The following MARCHF1 variants were observed in gnomAD, a reference collection of about 807,000 sequenced individuals.
MARCHF1 encodes the protein E3 ubiquitin-protein ligase MARCHF1.
Under a neutral mutation model 54.2 loss-of-function variants are expected in MARCHF1, and 40 were observed. That is an observed-to-expected ratio of 0.74 (90% CI 0.57 to 0.96). MARCHF1 has a LOEUF of 0.96. MARCHF1 is among the 40% of genes least tolerant of loss of function. The pLI is 0.00. For missense variants in MARCHF1, 586 were observed against 656.5 expected, an observed-to-expected ratio of 0.89 and a Z score of 1.17; for synonymous variants, 236 against 236.3, an observed-to-expected ratio of 1.00 and a Z score of 0.01.
Position 164,215,248 on chromosome 4 carries a change from G to A in MARCHF1, c.-322-103586C>T, listed in dbSNP as rs546332122. On this transcript the variant is annotated intron_variant, in intron 1 of 9. Transcript: ENST00000514618. Reference sequence around the variant, plus strand: ...CCAGAAGAGAGATGGTTTTCCCCTGGAGCATTCGCCAAACCCCGCCTCCTT... The same window carrying A: ...CCAGAAGAGAGATGGTTTTCCCCTGAAGCATTCGCCAAACCCCGCCTCCTT... 2.8e-3 allele frequency among the ~76,000 whole-genome samples: 423 copies of A among 152,222 alleles called. 2 individuals are homozygous for A. The highest frequency in any genetic ancestry group is 9.7e-3 in the African/African-American group (402 of 41,554).
At chr4:164,045,348 C>T (rs1331490785) in intron 2 of MARCHF1, among the ~76,000 whole-genome samples, 1 of 151,636 alleles carries the variant, frequency 6.6e-6, no homozygotes, top group East Asian at 1.9e-4. Flanking sequence ...CCTGTCTCTA[C>T]CAAAAATACA....
intron 4 of MARCHF1, among the ~76,000 whole-genome samples, chr4:163,793,779 C>T (rs1236753755): frequency 2.0e-5 from 3 of 152,100 alleles, no homozygotes; most frequent in African/African-American, 4.8e-5. Flanking sequence ...TTCTAATTAC[C>T]GGTGCATGCA....
intron 1 of MARCHF1, among the ~76,000 whole-genome samples, chr4:164,302,868 T>TAAA (rs70952621): frequency 2.0e-4 from 23 of 114,224 alleles, no homozygotes; most frequent in South Asian, 3.1e-4. Context: ...GAGACTGTCT[T>TAAA]AAAAAAAAAA....
At chr4:164,318,200 T>C (rs79937385) in intron 1 of MARCHF1, among the ~76,000 whole-genome samples, 5,567 of 152,244 alleles carry the variant, frequency 0.037, 199 homozygotes, top group East Asian at 0.12. Flanking sequence ...CACACAGTAA[T>C]TGTTCAAAAA....
At chr4:163,949,606 C>T (rs1406079705) in intron 3 of MARCHF1, among the ~76,000 whole-genome samples, 2 of 152,148 alleles carry the variant, frequency 1.3e-5, no homozygotes, top group African/African-American at 2.4e-5. Context: ...CAAGATGAAG[C>T]GGGGCTTTAC....
chr4:163,759,671 G>A (rs575952167), intron 4 of MARCHF1, among the ~76,000 whole-genome samples: 23 of 152,252 alleles, frequency 1.5e-4, no homozygotes, highest in African/African-American at 5.3e-4. Flanking sequence ...GGGACATGGA[G>A]ATATAAGTTA....
chr4:164,130,380 G>A (rs1756276549), intron 1 of MARCHF1, among the ~76,000 whole-genome samples: 1 of 152,080 alleles, frequency 6.6e-6, no homozygotes, highest in Non-Finnish European at 1.5e-5. Context: ...AGAGTGCTTT[G>A]ATTTCTGAAG....
chr4:163,693,801 G>C (rs1467957163), intron 5 of MARCHF1, among the ~76,000 whole-genome samples: 4 of 152,146 alleles, frequency 2.6e-5, no homozygotes, highest in Non-Finnish European at 2.9e-5. Flanking sequence ...TTGAACAATG[G>C]AACTAACTCA....
At chr4:163,963,236 A>C (rs559487453) in intron 3 of MARCHF1, among the ~76,000 whole-genome samples, 177 of 152,050 alleles carry the variant, frequency 1.2e-3, no homozygotes, top group Non-Finnish European at 2.2e-3. Flanking sequence ...CTTTGACTGT[A>C]GAGATCAAAT....
At chr4:164,312,843 T>C (rs187468909) in intron 1 of MARCHF1, among the ~76,000 whole-genome samples, 11 of 152,202 alleles carry the variant, frequency 7.2e-5, no homozygotes, top group East Asian at 3.9e-4. Flanking sequence ...AAAGTAGTAA[T>C]TGACATATGG....
In MARCHF1 at chr4:163,972,648, G is replaced by A. The variant is rs569917689; in HGVS notation, c.-39+15853C>T. ...TGCAAGCTCCACCTCCTGGGTTCAC[G>A]CCATTCTCCTGCCTCAGCCTCCTGA... is the stretch of plus-strand genomic sequence containing the variant. On this transcript the variant is annotated intron_variant, in intron 3 of 9. Coordinates refer to ENST00000514618, the MANE Select transcript of MARCHF1 (RefSeq NM_001394959.1). 1.8e-3 allele frequency among the ~76,000 whole-genome samples: 280 copies of A among 152,022 alleles called. 1 individual carries two copies. The highest frequency in any genetic ancestry group is 6.5e-3 in the African/African-American group (271 of 41,496).
In MARCHF1 at chr4:163,530,411, C is replaced by T. The variant is rs1738306310; in HGVS notation, c.1340-1365G>A. ...ATGCAAACTTAGTAATCATGGTAAT[C>T]TTCTTTATATTTTTCTTTAAATACC... On this transcript the variant is annotated intron_variant, in intron 9 of 9. Transcript: ENST00000514618. 2.0e-5 allele frequency: 3 copies of T among 151,870 alleles called. No homozygotes were observed. In the South Asian group the frequency reaches 6.2e-4, roughly 32 times the overall value. The allele number at this position is 151,870 out of a possible 1,614,324, so 9.4% of individuals were successfully genotyped here. A position where few individuals can be genotyped will look rare whatever the true frequency, so the allele number is the denominator to read the frequency against.
intron 1 of MARCHF1, among the ~76,000 whole-genome samples, chr4:164,363,652 T>C (rs1730791272): frequency 6.6e-6 from 1 of 152,090 alleles, no homozygotes; most frequent in African/African-American, 2.4e-5. Context: ...AGAAGTAAAA[T>C]AGTTTAAGTG....
At chr4:164,163,528 C>CA (rs1461122688) in intron 1 of MARCHF1, among the ~76,000 whole-genome samples, 1 of 151,240 alleles carries the variant, frequency 6.6e-6, no homozygotes, top group East Asian at 1.9e-4. Context: ...TCAATTAATA[C>CA]AAAAAAAGTA....
At chr4:163,894,932 ATATATATATATGCATGTGATG>A (rs1750767798) in intron 3 of MARCHF1, among the ~76,000 whole-genome samples, 1 of 5,606 alleles carries the variant, frequency 1.8e-4, no homozygotes, top group African/African-American at 2.5e-4. Context: ...CATGTGATGC[ATATATATATATGCATGTGATG>A]CATATATATA....
At chr4:163,910,620 G>T (rs897516328) in intron 3 of MARCHF1, among the ~76,000 whole-genome samples, 10 of 152,134 alleles carry the variant, frequency 6.6e-5, no homozygotes, top group African/African-American at 2.4e-4. Context: ...TCAGCCTCAT[G>T]AGTAGCTGGG....
Position 163,528,788 on chromosome 4 carries a change from G to T in MARCHF1, c.1598C>A (p.Pro533Gln), listed in dbSNP as rs765502751. 22 of 1,612,910 alleles carry T rather than the reference G, an allele frequency of 1.4e-5. No individual in the cohort carries two copies. Among genetic ancestry groups the T allele is most frequent in the Non-Finnish European group, 1.8e-5 (21 of 1,179,330 alleles). ...PVPQTGANSL[P>Q]SAEGGPPEVV... is the part of the protein sequence containing the mutation. ...TTCAGGGGGGCCACCCTCTGCAGATGGCAGTGAATTTGCACCTGTTTGTGG... is the reference window on the plus strand; with the variant it reads ...TTCAGGGGGGCCACCCTCTGCAGATTGCAGTGAATTTGCACCTGTTTGTGG... The change falls in exon 10 of 10, where the codon CCA (proline) becomes CAA (glutamine). Residue 533 changes from proline (P) to glutamine (Q), a missense_variant. Transcript: ENST00000514618.
At chr4:164,276,947 T>TATATATATATATATATATATAGAGAG (rs1392528920) in intron 1 of MARCHF1, among the ~76,000 whole-genome samples, 1 of 118,824 alleles carries the variant, frequency 8.4e-6, no homozygotes, top group East Asian at 2.5e-4. Flanking sequence ...TATATATATA[T>TATATATATATATATATATATAGAGAG]AGAGAGAGAG....
intron 7 of MARCHF1, among the ~76,000 whole-genome samples, chr4:163,589,401 T>C (rs1579089484): frequency 6.6e-6 from 1 of 152,248 alleles, no homozygotes; most frequent in East Asian, 1.9e-4. Context: ...ATCAAAAACT[T>C]GGTTCATTTT....
Sources: allele counts gnomAD v4.1 joint callset (sites outside exome capture counted in the v4.1 genomes callset), GRCh38; gene constraint gnomAD v4.1.1; transcripts MANE v1.5; gene names NCBI Gene and HGNC (gene_info 2026-07-23, HGNC 2026-07-21).